Variants in AGPAT3 observed in about 807,000 individuals in gnomAD.
The protein encoded by AGPAT3 is 1-acylglycerol-3-phosphate O-acyltransferase 3, also known as 1-acyl-sn-glycerol-3-phosphate acyltransferase gamma.
Under a neutral mutation model 47.3 loss-of-function variants are expected in AGPAT3, and 5 were observed. The observed-to-expected ratio is 0.11, with a 90% CI of 0.06 to 0.22. The LOEUF (loss-of-function observed/expected upper bound fraction) is 0.22. AGPAT3 is among the 10% of genes least tolerant of loss of function. The pLI, the probability that AGPAT3 is intolerant of heterozygous loss-of-function variation, is 1.00. For synonymous variants in AGPAT3, 212 were observed against 208.3 expected, an observed-to-expected ratio of 1.02 and a Z score of -0.15; for missense variants, 315 against 493.0, an observed-to-expected ratio of 0.64 and a Z score of 3.42.
Position 43,970,937 on chromosome 21 carries a change from AG to A in AGPAT3, c.664+136del. 8.9e-7 allele frequency: 1 copy of A among 1,118,092 alleles called. No homozygotes were observed. The highest frequency in any genetic ancestry group is 1.2e-6 in the Non-Finnish European group (1 of 843,164). The allele number at this position is 1,118,092 out of a possible 1,614,324, so 69.3% of individuals were successfully genotyped here. On this transcript the variant is annotated intron_variant, in intron 6 of 9. Coordinates refer to ENST00000291572, the MANE Select transcript of AGPAT3 (RefSeq NM_020132.5). The surrounding 1 kb of genome is among the most constrained non-coding windows in gnomAD (Gnocchi z 5.8). ...ACAGAAGTGCAAAAGGAATCAAGTG[AG>A]GGGGTCGGCGCCGCAAGGTTCCCGC...
chr21:43,885,380 T>A (rs1336098957), intron 1 of AGPAT3, among the ~76,000 whole-genome samples: 1 of 149,982 alleles, frequency 6.7e-6, no homozygotes, highest in African/African-American at 2.5e-5. Flanking sequence ...GATTGCCAGT[T>A]TTTCTTTTTT....
chr21:43,914,097 C>T (rs894444977), intron 2 of AGPAT3, among the ~76,000 whole-genome samples: 11 of 152,328 alleles, frequency 7.2e-5, no homozygotes, highest in African/African-American at 2.2e-4. Flanking sequence ...TCTGCCTCTG[C>T]AGGCAGCCTG....
rs754459666 is a variant in AGPAT3 at position 43,967,997 on chromosome 21, C to T, written c.230C>T (p.Thr77Met). ...WWSCTECTLFTDQATVERFGK... is the reference protein window; with the variant it reads ...WWSCTECTLFMDQATVERFGK... ...TCCTGCACGGAGTGTACACTGTTCA[C>T]GGACCAGGCCACGGTAGAGCGCTTT... Residue 77 changes from threonine (T) to methionine (M), a missense_variant, in exon 4 of 10, where the codon ACG becomes ATG. Thr to Met is a moderately conservative substitution (Grantham distance 81). Transcript: ENST00000291572. The T allele has an allele frequency of 2.4e-5, 39 of 1,613,894 alleles. No individual in the cohort carries two copies. Among genetic ancestry groups the T allele is most frequent in the African/African-American group, 5.3e-5 (4 of 74,866 alleles).
chr21:43,876,780 G>T (rs2085742997), intron 1 of AGPAT3, among the ~76,000 whole-genome samples: 1 of 152,178 alleles, frequency 6.6e-6, no homozygotes, highest in Admixed American at 6.5e-5. Flanking sequence ...GTTTAAAGCT[G>T]GGAAGCCTCC....
chr21:43,964,078 C>T (rs139524159), intron 3 of AGPAT3, among the ~76,000 whole-genome samples: 24 of 151,958 alleles, frequency 1.6e-4, no homozygotes, highest in Middle Eastern at 3.4e-3. Context: ...GAATCTAAAC[C>T]GTATGTAAAA....
chr21:43,879,866 C>T (rs1049908136), intron 1 of AGPAT3, among the ~76,000 whole-genome samples: 1 of 152,148 alleles, frequency 6.6e-6, no homozygotes, highest in Non-Finnish European at 1.5e-5. Context: ...CGCCTTTGTC[C>T]TGAGCTGGCC....
intron 1 of AGPAT3, among the ~76,000 whole-genome samples, chr21:43,875,527 A>C (rs1234645532): frequency 2.0e-5 from 3 of 152,190 alleles, no homozygotes; most frequent in Non-Finnish European, 4.4e-5. Flanking sequence ...CAGTCTTTTT[A>C]TGCTTCATTC....
chr21:43,882,177 A>G (rs1412365988), intron 1 of AGPAT3, among the ~76,000 whole-genome samples: 1 of 152,230 alleles, frequency 6.6e-6, no homozygotes, highest in Non-Finnish European at 1.5e-5. Context: ...TCAGCCTGTC[A>G]TTCCCCGCCC....
chr21:43,933,337 C>T lies in AGPAT3; in HGVS notation c.-48-26297C>T, dbSNP rs1407361506. 6.6e-6 allele frequency among the ~76,000 whole-genome samples: 1 copy of T among 152,128 alleles called. No homozygotes were observed. The highest frequency in any genetic ancestry group is 2.4e-5 in the African/African-American group (1 of 41,414). ...GCAGGGTTTTCTCTCCCTTGCGGGT[C>T]GTCTCTTTACCCTGTCGTTCCCTTT... On this transcript the variant is annotated intron_variant, in intron 2 of 9. Transcript: ENST00000291572. The surrounding 1 kb of genome is among the most constrained non-coding windows in gnomAD (Gnocchi z 6.0).
chr21:43,933,056 C>T lies in AGPAT3; in HGVS notation c.-48-26578C>T, dbSNP rs543214425. 1.3e-4 allele frequency among the ~76,000 whole-genome samples: 20 copies of T among 152,324 alleles called. No individual in the cohort carries two copies. The highest frequency in any genetic ancestry group is 3.4e-4 in the African/African-American group (14 of 41,570). On this transcript the variant is annotated intron_variant, in intron 2 of 9. Transcript: ENST00000291572. This position sits in a 1 kb window ranked among gnomAD's most constrained non-coding sequence, Gnocchi z 6.0. Reference sequence around the variant, plus strand: ...CAGCGTGCCAGGTGCCTTTTCTCTGCGTTCTCGTCAACACCTGTTACATTC... The same window carrying T: ...CAGCGTGCCAGGTGCCTTTTCTCTGTGTTCTCGTCAACACCTGTTACATTC...
At chr21:43,893,405 G>A (rs1569049557) in intron 1 of AGPAT3, among the ~76,000 whole-genome samples, 1 of 152,180 alleles carries the variant, frequency 6.6e-6, no homozygotes, top group Non-Finnish European at 1.5e-5. Context: ...CGGACCACTC[G>A]AACTTTCTCC....
chr21:43,890,994 T>C (rs2086091812), intron 1 of AGPAT3, among the ~76,000 whole-genome samples: 1 of 152,136 alleles, frequency 6.6e-6, no homozygotes, highest in Admixed American at 6.6e-5. Flanking sequence ...TGCCTTGGCC[T>C]CCCAAAGTAC....
At chr21:43,867,399 G>A (rs2085531482) in intron 1 of AGPAT3, 1 of 152,326 alleles carries the variant, frequency 6.6e-6, no homozygotes, top group Non-Finnish European at 1.5e-5. Flanking sequence ...AGATCAGAAT[G>A]TGTGTTTGAG....
At chr21:43,945,252 C>T (rs2087832815) in intron 2 of AGPAT3, among the ~76,000 whole-genome samples, 1 of 152,118 alleles carries the variant, frequency 6.6e-6, no homozygotes, top group Non-Finnish European at 1.5e-5. Context: ...ATCCCGGGGT[C>T]GCACCTTGGC....
At chr21:43,911,260 CAT>C (rs2086626796) in intron 2 of AGPAT3, among the ~76,000 whole-genome samples, 3 of 152,250 alleles carry the variant, frequency 2.0e-5, no homozygotes, top group African/African-American at 4.8e-5. Context: ...CACACACACA[CAT>C]GTGCATTGTA....
At chr21:43,976,036 GTTAA>G (rs1438079535) in intron 7 of AGPAT3, among the ~76,000 whole-genome samples, 2 of 148,770 alleles carry the variant, frequency 1.3e-5, no homozygotes, top group Non-Finnish European at 3.0e-5. Flanking sequence ...TAATGTTGAA[GTTAA>G]TTTTCAATAA....
chr21:43,905,816 C>T (rs1451675756), intron 2 of AGPAT3, among the ~76,000 whole-genome samples: 4 of 152,202 alleles, frequency 2.6e-5, no homozygotes, highest in African/African-American at 9.6e-5. Context: ...GTACTCAGGG[C>T]TGAGAGGAGG....
rs2087187948 is a variant in AGPAT3, at chr21:43,930,025, T to C, written c.-49+26006T>C. The stretch of plus-strand genomic sequence containing the variant: ...CGGAGAGAGAGGACTTGAGTGACTG[T>C]CCTCCTGGAACCCAGGGTGCCTTGT... On this transcript the variant is annotated intron_variant, in intron 2 of 9. Transcript: ENST00000291572. This position sits in a 1 kb window ranked among gnomAD's most constrained non-coding sequence, Gnocchi z 5.0. 6.6e-6 allele frequency among the ~76,000 whole-genome samples: 1 copy of C among 152,208 alleles called. No individual in the cohort carries two copies. Among genetic ancestry groups the C allele is most frequent in the African/African-American group, 2.4e-5 (1 of 41,434 alleles).
chr21:43,909,761 G>T (rs1444389338), intron 2 of AGPAT3, among the ~76,000 whole-genome samples: 1 of 152,236 alleles, frequency 6.6e-6, no homozygotes, highest in Non-Finnish European at 1.5e-5. Flanking sequence ...GGCCGGCTGT[G>T]GATCTCCGAG....
Sources: gnomAD v4.1 joint callset for allele counts (sites outside exome capture counted in the v4.1 genomes callset) on GRCh38, gnomAD v4.1.1 for gene constraint, Gnocchi (gnomAD v3.1) non-coding constraint, MANE v1.5 for transcripts, NCBI Gene and HGNC (gene_info 2026-07-23, HGNC 2026-07-21) for gene names.